VSIG10: variants seen among roughly 807,000 people sequenced by gnomAD.
VSIG10 encodes V-set and immunoglobulin domain-containing protein 10.
A neutral mutation model predicts 58.7 loss-of-function variants in VSIG10; 48 were observed. The ratio of observed to expected loss-of-function variants is 0.82; its 90% CI spans 0.65 to 1.04. The LOEUF (loss-of-function observed/expected upper bound fraction) is 1.04, where lower values mean the gene tolerates loss of function less well. VSIG10 is among the 50% of genes least tolerant of loss of function. The pLI is 0.00. For synonymous variants in VSIG10, 260 were observed against 267.1 expected (o/e 0.97, Z 0.26); for missense variants, 628 against 670.0 (o/e 0.94, Z 0.69).
At chr12:118,072,577 G>T (rs140706401) in intron 5 of VSIG10, among the ~76,000 whole-genome samples, 1 of 152,022 alleles carries the variant, frequency 6.6e-6, no homozygotes, top group Non-Finnish European at 1.5e-5. Flanking sequence ...GAAGAAAGAG[G>T]CCAGGTGTGG....
chr12:118,091,087 G>A (rs2033280624), intron 2 of VSIG10, among the ~76,000 whole-genome samples: 1 of 151,994 alleles, frequency 6.6e-6, no homozygotes, highest in South Asian at 2.1e-4. Context: ...GTGAGCCAAG[G>A]TGGCGCCACT....
chr12:118,077,312 T>C (rs1389616909), intron 4 of VSIG10, among the ~76,000 whole-genome samples: 1 of 152,112 alleles, frequency 6.6e-6, no homozygotes, highest in Non-Finnish European at 1.5e-5. Flanking sequence ...ATTCTAAGGA[T>C]AGATTATTAC....
rs1403164036 is a variant in VSIG10 at position 118,082,140 on chromosome 12, C to T, written c.651G>A (p.Glu217=). The change falls in exon 3 of 9, where the codon GAG becomes GAA. Residue 217 remains glutamate, a synonymous_variant. Coordinates refer to ENST00000359236, the MANE Select transcript of VSIG10 (RefSeq NM_019086.6). ...LSKRHRKVTT[E]LLVYYPPPSA... ...CTGCTTACGCACAGTAGACCAGGAG[C>T]TCGGTGGTCACCTTTCGATGTCTCT... 4 of 1,613,566 alleles carry T rather than the reference C, an allele frequency of 2.5e-6. No homozygotes were observed. The highest frequency in any genetic ancestry group is 1.7e-6 in the Non-Finnish European group (2 of 1,179,656).
intron 5 of VSIG10, 144 bp downstream of exon 5, chr12:118,073,555 T>C: frequency 1.0e-6 from 1 of 953,706 alleles, no homozygotes; most frequent in Non-Finnish European, 1.5e-6. Context: ...TCCAGCCACC[T>C]TGTCAAGTCA....
Position 118,068,504 on chromosome 12 carries a change from T to C in VSIG10, c.1440A>G (p.Glu480=). The change falls in exon 8 of 9, where the codon GAA becomes GAG. Residue 480 remains glutamate, a synonymous_variant. Coordinates refer to ENST00000359236, the MANE Select transcript of VSIG10 (RefSeq NM_019086.6). ...CCTCTCTCTCACGTGCTCCCTCCTG[T>C]TCCCCTACTGCAGCATCTTCCTCCT... ...EEEEEDAAVG[E]QEGAREREEL... is the part of the protein sequence containing the mutation. 1 of 1,611,104 alleles carries C rather than the reference T, an allele frequency of 6.2e-7. No individual in the cohort carries two copies. Among genetic ancestry groups the C allele is most frequent in the Non-Finnish European group, 8.5e-7 (1 of 1,179,432 alleles).
At position 118,082,346 on chromosome 12, in the gene VSIG10, C is replaced by T; in HGVS notation, c.445G>A (p.Val149Met). The change falls in exon 3 of 9, where the codon GTG becomes ATG. Residue 149 changes from valine to methionine, a missense_variant. By Grantham distance (21) the Val-to-Met change is conservative (BLOSUM62 1). Coordinates refer to ENST00000359236, the MANE Select transcript of VSIG10 (RefSeq NM_019086.6). ...GAGCTGCTGTTGCAGCTGAAGTCCA[C>T]CTGGGAGCCCCTGGCTGCGTAGAGG... ...GTLYAARGSQ[V>M]DFSCNSSSRP... is the part of the protein sequence containing the mutation. 2 of 1,613,962 alleles carry T rather than the reference C, an allele frequency of 1.2e-6. No individual in the cohort carries two copies. Among genetic ancestry groups the T allele is most frequent in the Non-Finnish European group, 1.7e-6 (2 of 1,179,890 alleles).
chr12:118,085,473 G>T (rs1362188657), intron 2 of VSIG10, among the ~76,000 whole-genome samples: 1 of 152,252 alleles, frequency 6.6e-6, no homozygotes, highest in Non-Finnish European at 1.5e-5. Flanking sequence ...TGTGTGCCAT[G>T]AAATCTGACT....
chr12:118,090,187 GC>G lies in VSIG10; in HGVS notation c.361+5345del, dbSNP rs1359049089. Among the ~76,000 whole-genome samples the G allele has an allele frequency of 5.3e-5, 8 of 152,082 alleles. No homozygotes were observed. The East Asian group carries it at 1.5e-3, about 29-fold the overall frequency. ...AAATTGGCCGAGCATGGTGGTGCGA[GC>G]CAGCTACCCGGGAGGCTGAGGCAGA... On this transcript the variant is annotated intron_variant, in intron 2 of 8. Coordinates refer to ENST00000359236, the MANE Select transcript of VSIG10 (RefSeq NM_019086.6).
chr12:118,066,793 G>T, intron 8 of VSIG10, 99 bp from the exon 9 acceptor site: 1 of 1,307,962 alleles, frequency 7.6e-7, no homozygotes. Flanking sequence ...GTCCTTTCCT[G>T]GTGAGCCACA....
intron 2 of VSIG10, among the ~76,000 whole-genome samples, chr12:118,094,265 T>A (rs915403811): frequency 6.6e-6 from 1 of 152,222 alleles, no homozygotes; most frequent in Non-Finnish European, 1.5e-5. Context: ...GCTTTGATTA[T>A]GATATACTGT....
At chr12:118,091,491 CAAAA>C (rs34366147) in intron 2 of VSIG10, among the ~76,000 whole-genome samples, 3 of 107,088 alleles carry the variant, frequency 2.8e-5, no homozygotes, top group African/African-American at 3.6e-5. Flanking sequence ...GACTCTGTCT[CAAAA>C]AAAAAAAAAA....
At chr12:118,079,711 C>A (rs2032874978) in intron 3 of VSIG10, 105 bp from the exon 4 acceptor site, 4 of 1,470,158 alleles carry the variant, frequency 2.7e-6, no homozygotes, top group Non-Finnish European at 2.8e-6. Flanking sequence ...GGACATCAAC[C>A]CCAGTTAGTG....
intron 8 of VSIG10, 137 bp downstream of exon 8, chr12:118,068,240 G>A (rs2032333418): frequency 3.4e-6 from 1 of 292,604 alleles, no homozygotes; most frequent in Non-Finnish European, 6.1e-6. Flanking sequence ...TCACCATGTT[G>A]CCCAGGCTAG....
At chr12:118,080,136 G>A (rs1007395469) in intron 3 of VSIG10, among the ~76,000 whole-genome samples, 8 of 150,712 alleles carry the variant, frequency 5.3e-5, no homozygotes, top group Non-Finnish European at 8.9e-5. Flanking sequence ...GTCTCGCCTC[G>A]CTTTTGCATT....
At chr12:118,094,102 A>G (rs1358864672) in intron 2 of VSIG10, among the ~76,000 whole-genome samples, 1 of 151,912 alleles carries the variant, frequency 6.6e-6, no homozygotes, top group Non-Finnish European at 1.5e-5. Context: ...ACTTGACTCC[A>G]TATGTTTTTT....
chr12:118,092,290 C>G (rs1244126401), intron 2 of VSIG10, among the ~76,000 whole-genome samples: 5 of 152,108 alleles, frequency 3.3e-5, no homozygotes, highest in Admixed American at 6.6e-5. Flanking sequence ...GTCTCAGACT[C>G]CTGGGCTCAA....
chr12:118,074,936 TGA>T (rs1283765789), intron 4 of VSIG10, among the ~76,000 whole-genome samples: 2 of 152,158 alleles, frequency 1.3e-5, no homozygotes, highest in African/African-American at 4.8e-5. Flanking sequence ...GTAGATATTT[TGA>T]GAGAAAGATC....
chr12:118,098,388 T>A (rs1743219596), intron 1 of VSIG10, among the ~76,000 whole-genome samples: 1 of 150,554 alleles, frequency 6.6e-6, no homozygotes, highest in African/African-American at 2.5e-5. Flanking sequence ...TCCCTCTCTC[T>A]CTGCCTCTCC....
chr12:118,078,427 G>A (rs562275860), intron 4 of VSIG10, among the ~76,000 whole-genome samples: 95 of 152,234 alleles, frequency 6.2e-4, no homozygotes, highest in African/African-American at 2.1e-3. Flanking sequence ...CCAAAGTGCT[G>A]AGATTACAGG....
Sources: allele counts gnomAD v4.1 joint callset (sites outside exome capture counted in the v4.1 genomes callset), GRCh38; gene constraint gnomAD v4.1.1; transcripts MANE v1.5; gene names NCBI Gene and HGNC (gene_info 2026-07-23, HGNC 2026-07-21).